Variants in MYO3B observed in about 807,000 individuals in gnomAD.
MYO3B encodes myosin IIIB, also known as myosin-IIIb.
MYO3B carries 156 observed loss-of-function variants against 174.6 expected under a neutral mutation model. The ratio of observed to expected loss-of-function variants is 0.89; its 90% CI spans 0.78 to 1.02. The LOEUF (loss-of-function observed/expected upper bound fraction) is 1.02, where lower values mean the gene tolerates loss of function less well. Ranked by LOEUF, MYO3B falls within the 50% of genes least tolerant of loss-of-function variation. The pLI is 0.00. For synonymous variants in MYO3B, 563 were observed against 569.1 expected, an observed-to-expected ratio of 0.99 and a Z score of 0.15; for missense variants, 1,632 against 1,639.4, an observed-to-expected ratio of 1.00 and a Z score of 0.08.
intron 28 of MYO3B, among the ~76,000 whole-genome samples, chr2:170,507,819 A>C (rs79255708): frequency 0.016 from 2,368 of 152,298 alleles, 67 homozygotes; most frequent in African/African-American, 0.054. Context: ...CAAGTGGTGT[A>C]GTACAGAGAC....
intron 6 of MYO3B, among the ~76,000 whole-genome samples, chr2:170,220,628 CAAAAA>C (rs71006077): frequency 0.024 from 2,073 of 85,870 alleles, 42 homozygotes; most frequent in Admixed American, 0.063. Flanking sequence ...GATTCCGTCT[CAAAAA>C]AAAAAAAAAA....
At chr2:170,265,761 T>G (rs1276369872) in intron 7 of MYO3B, among the ~76,000 whole-genome samples, 1 of 152,202 alleles carries the variant, frequency 6.6e-6, no homozygotes, top group African/African-American at 2.4e-5. Flanking sequence ...TTTCTCCTTT[T>G]CTCTAGTTAT....
chr2:170,565,468 A>T (rs531761297), intron 32 of MYO3B, among the ~76,000 whole-genome samples: 15 of 152,214 alleles, frequency 9.9e-5, no homozygotes, highest in Non-Finnish European at 1.6e-4. Context: ...TAAGTGCCTA[A>T]TAAGTGTTTG....
intron 32 of MYO3B, among the ~76,000 whole-genome samples, chr2:170,613,070 C>T (rs1559159325): frequency 6.6e-6 from 1 of 152,150 alleles, no homozygotes; most frequent in Non-Finnish European, 1.5e-5. Flanking sequence ...GGGCCATACT[C>T]CAGTCTCTCT....
chr2:170,500,571 AATT>A (rs1166914116), intron 27 of MYO3B, among the ~76,000 whole-genome samples: 2 of 152,118 alleles, frequency 1.3e-5, no homozygotes, highest in African/African-American at 4.8e-5. Context: ...TATTTTGGAG[AATT>A]ATTATCTGAG....
At chr2:170,211,205 A>T (rs541152047) in intron 3 of MYO3B, among the ~76,000 whole-genome samples, 1 of 152,360 alleles carries the variant, frequency 6.6e-6, no homozygotes, top group African/African-American at 2.4e-5. Context: ...CCTGCCATGC[A>T]TGCACTGAGA....
chr2:170,280,275 C>G (rs1437454402), intron 7 of MYO3B, among the ~76,000 whole-genome samples: 1 of 151,768 alleles, frequency 6.6e-6, no homozygotes, highest in Non-Finnish European at 1.5e-5. Context: ...TGAAAAGTGT[C>G]TGTTTATGTC....
chr2:170,582,129 A>G (rs1693190476), intron 32 of MYO3B, among the ~76,000 whole-genome samples: 1 of 152,226 alleles, frequency 6.6e-6, no homozygotes, highest in African/African-American at 2.4e-5. Flanking sequence ...TTCATGCAAC[A>G]TAACTTCGTG....
intron 7 of MYO3B, among the ~76,000 whole-genome samples, chr2:170,315,439 G>A (rs939519118): frequency 2.0e-5 from 3 of 151,934 alleles, no homozygotes. Context: ...CTGAGTAGCT[G>A]GGATCACAGG....
At chr2:170,453,601 A>T (rs1683738500) in intron 23 of MYO3B, among the ~76,000 whole-genome samples, 1 of 152,054 alleles carries the variant, frequency 6.6e-6, no homozygotes, top group African/African-American at 2.4e-5. Context: ...GCTTTTGATG[A>T]CCCTGCTCAC....
rs530682556 is a variant in MYO3B at position 170,483,282 on chromosome 2, T to C, written c.3015-15310T>C. 1.0e-3 allele frequency among the ~76,000 whole-genome samples: 158 copies of C among 151,734 alleles called. 2 individuals are homozygous for C. Among genetic ancestry groups the C allele is most frequent in the African/African-American group, 3.7e-3 (152 of 41,432 alleles). On this transcript the variant is annotated intron_variant, in intron 25 of 34. Coordinates refer to ENST00000408978, the MANE Select transcript of MYO3B (RefSeq NM_138995.5). ...AAGGAAAACAAGAGAAAAGACATTA[T>C]GAAGGCATTAAATAATATCTGGACA...
chr2:170,321,429 G>T (rs73978338), intron 7 of MYO3B, among the ~76,000 whole-genome samples: 1 of 151,912 alleles, frequency 6.6e-6, no homozygotes, highest in Non-Finnish European at 1.5e-5. Context: ...AAAAAAGAGA[G>T]AAAGTTTAAA....
chr2:170,259,375 A>G (rs559151638), intron 7 of MYO3B, among the ~76,000 whole-genome samples: 4 of 152,192 alleles, frequency 2.6e-5, no homozygotes, highest in African/African-American at 9.6e-5. Flanking sequence ...ACATACACCA[A>G]TGGAACAGAA....
rs181546470 is a variant in MYO3B, at chr2:170,419,980, C to G, written c.2650+12136C>G. Among the ~76,000 whole-genome samples the G allele has an allele frequency of 2.8e-3, 430 of 152,274 alleles. 4 individuals carry two copies. The highest frequency in any genetic ancestry group is 0.01 in the African/African-American group (416 of 41,568). On this transcript the variant is annotated intron_variant, in intron 22 of 34. Transcript: ENST00000408978. ...CAGGTGGATCACGAGGTCAGGAGTT[C>G]AAGACCATCCTGGCCAACATGGTGA...
Position 170,271,423 on chromosome 2 carries a change from ACT to A in MYO3B, c.749+35290_749+35291del, listed in dbSNP as rs1414190799. 4.6e-5 allele frequency among the ~76,000 whole-genome samples: 7 copies of A among 152,130 alleles called. 1 individual carries two copies. Among genetic ancestry groups the A allele is most frequent in the Admixed American group, 3.9e-4 (6 of 15,270 alleles). ...TGAGAGAATGGTGAACCATGAAATG[ACT>A]CTGTTAACATGTCATCTGTCTAGAA... On this transcript the variant is annotated intron_variant, in intron 7 of 34. Transcript: ENST00000408978.
intron 32 of MYO3B, among the ~76,000 whole-genome samples, chr2:170,584,104 T>C (rs1468413666): frequency 6.6e-6 from 1 of 152,230 alleles, no homozygotes; most frequent in Admixed American, 6.5e-5. Flanking sequence ...AGAGAATGTC[T>C]TATGTGCATG....
chr2:170,366,509 C>G (rs6745701), intron 8 of MYO3B, among the ~76,000 whole-genome samples: 116,191 of 151,832 alleles, frequency 0.77, 47,703 homozygotes, highest in Non-Finnish European at 0.92. Context: ...GCTCAGGCTT[C>G]TCTTGAACTC....
intron 30 of MYO3B, among the ~76,000 whole-genome samples, chr2:170,533,173 C>T (rs1415014841): frequency 1.3e-5 from 2 of 152,096 alleles, no homozygotes; most frequent in East Asian, 1.9e-4. Flanking sequence ...TCAAGCTTCT[C>T]GGCTGTGACA....
At position 170,444,057 on chromosome 2, in the gene MYO3B, G is replaced by C. The variant is rs1209218414; in HGVS notation, c.2730+11G>C. On this transcript the variant is annotated intron_variant, in intron 23 of 34. Coordinates refer to ENST00000408978, the MANE Select transcript of MYO3B (RefSeq NM_138995.5). ...GCTGGGAAAGCCAAGGTGAGTAACAGATTTGCACCAAATATAGTATGGACT... is the reference window on the plus strand; with the variant it reads ...GCTGGGAAAGCCAAGGTGAGTAACACATTTGCACCAAATATAGTATGGACT... 2.5e-6 allele frequency: 4 copies of C among 1,610,322 alleles called. No homozygotes were observed. The Admixed American group carries it at 6.7e-5, about 27-fold the overall frequency.
Sources: gnomAD v4.1 joint callset for allele counts (sites outside exome capture counted in the v4.1 genomes callset) on GRCh38, gnomAD v4.1.1 for gene constraint, MANE v1.5 for transcripts, NCBI Gene and HGNC (gene_info 2026-07-23, HGNC 2026-07-21) for gene names.